MAP3K14: variants seen among roughly 807,000 people sequenced by gnomAD.
MAP3K14 encodes NF-kappa-beta-inducing kinase.
In MAP3K14, 16 loss-of-function variants were observed where a neutral mutation model predicts 99.2. The observed-to-expected ratio is 0.16, with a 90% CI of 0.11 to 0.24. The LOEUF (loss-of-function observed/expected upper bound fraction) is 0.24. Among genes scored for constraint, MAP3K14 ranks in the 10% least tolerant of loss-of-function variants. The pLI is 1.00. For missense variants in MAP3K14, 784 were observed against 1,208.7 expected (o/e 0.65, Z 5.21); for synonymous variants, 462 against 492.4 (o/e 0.94, Z 0.82).
chr17:45,284,922 G>A lies in MAP3K14; in HGVS notation c.1180C>T (p.Arg394Ter), dbSNP rs377045638. ...TGCGTGGCCCAGTGGACTTCTTCTCGGTACTCATAATCCACTGGCTTGAGT... is the reference window on the plus strand; with the variant it reads ...TGCGTGGCCCAGTGGACTTCTTCTCAGTACTCATAATCCACTGGCTTGAGT... ...EKLKPVDYEY[R>*]EEVHWATHQL... The change falls in exon 6 of 16, where the codon CGA (arginine) becomes TGA (stop). Residue 394 changes from arginine to a stop codon, truncating the protein, a stop_gained. Transcript: ENST00000344686. LOFTEE classifies it high-confidence loss of function. The A allele has an allele frequency of 1.9e-6, 3 of 1,553,634 alleles. No individual in the cohort carries two copies. The highest frequency in any genetic ancestry group is 2.6e-6 in the Non-Finnish European group (3 of 1,148,122).
chr17:45,278,027 G>A (rs901804018), intron 6 of MAP3K14, among the ~76,000 whole-genome samples: 10 of 152,184 alleles, frequency 6.6e-5, no homozygotes, highest in Admixed American at 4.6e-4. Flanking sequence ...TGGCTACTAA[G>A]TTGTTAGGAT....
chr17:45,284,669 C>T, intron 6 of MAP3K14, 143 bp downstream of exon 6: 1 of 1,082,994 alleles, frequency 9.2e-7, no homozygotes, highest in Non-Finnish European at 1.3e-6. Flanking sequence ...TCCAGCCGAC[C>T]TCAGGTGGCT....
intron 1 of MAP3K14, among the ~76,000 whole-genome samples, chr17:45,296,130 A>G (rs1360298947): frequency 6.6e-6 from 1 of 152,180 alleles, no homozygotes; most frequent in Admixed American, 6.5e-5. Context: ...AACTTCCTTA[A>G]TAAGATATTG....
At chr17:45,304,329 A>G (rs1190199354) in intron 1 of MAP3K14, among the ~76,000 whole-genome samples, 1 of 152,206 alleles carries the variant, frequency 6.6e-6, no homozygotes, top group African/African-American at 2.4e-5. Flanking sequence ...TTAAGGCTTC[A>G]TAAGATTGGA....
chr17:45,309,152 C>T (rs1462428833), intron 1 of MAP3K14, among the ~76,000 whole-genome samples: 1 of 152,228 alleles, frequency 6.6e-6, no homozygotes, highest in Non-Finnish European at 1.5e-5. Flanking sequence ...TGTCCCTACG[C>T]TTCTGAAAAT....
At chr17:45,283,393 CAG>C (rs1014493205) in intron 6 of MAP3K14, among the ~76,000 whole-genome samples, 2 of 152,234 alleles carry the variant, frequency 1.3e-5, no homozygotes, top group African/African-American at 4.8e-5. Flanking sequence ...TGTTGCCAGT[CAG>C]GGGTGGTGAG....
chr17:45,291,057 G>C, intron 1 of MAP3K14: 2 of 297,238 alleles, frequency 6.7e-6, no homozygotes, highest in Non-Finnish European at 1.3e-5. Flanking sequence ...GAGAGCTGTG[G>C]CACAAATGTC....
At chr17:45,309,368 G>C (rs1329386517) in intron 1 of MAP3K14, among the ~76,000 whole-genome samples, 1 of 152,188 alleles carries the variant, frequency 6.6e-6, no homozygotes, top group Non-Finnish European at 1.5e-5. Flanking sequence ...TGGCCTCCTC[G>C]CTCCCTCCAG....
At chr17:45,308,430 T>C (rs2044446671) in intron 1 of MAP3K14, among the ~76,000 whole-genome samples, 1 of 152,188 alleles carries the variant, frequency 6.6e-6, no homozygotes, top group African/African-American at 2.4e-5. Context: ...GCCCTCCCAA[T>C]TCTCACTTGG....
Position 45,291,521 on chromosome 17 carries a change from C to G in MAP3K14, c.-20-756G>C, listed in dbSNP as rs1229331096. On this transcript the variant is annotated intron_variant, in intron 1 of 15. Coordinates refer to ENST00000344686, the MANE Select transcript of MAP3K14 (RefSeq NM_003954.5). ...TTTATATTCAAGGCCCTAACACGAA[C>G]CTATACCTCTAGAAATAAAGAATAA... 2.0e-5 allele frequency among the ~76,000 whole-genome samples: 3 copies of G among 152,170 alleles called. No individual in the cohort carries two copies. In the East Asian group the frequency reaches 5.8e-4, roughly 29 times the overall value.
At chr17:45,296,525 A>G (rs2044347752) in intron 1 of MAP3K14, among the ~76,000 whole-genome samples, 1 of 151,724 alleles carries the variant, frequency 6.6e-6, no homozygotes, top group South Asian at 2.1e-4. Context: ...GGAAAAATAA[A>G]GAAAGAAAGA....
In MAP3K14 at chr17:45,314,379, T is replaced by G. The variant is rs140805322; in HGVS notation, c.-21+2581A>C. 1.8e-3 allele frequency among the ~76,000 whole-genome samples: 278 copies of G among 152,302 alleles called. 1 individual carries two copies. The highest frequency in any genetic ancestry group is 6.5e-3 in the African/African-American group (269 of 41,556). On this transcript the variant is annotated intron_variant, in intron 1 of 15. Coordinates refer to ENST00000344686, the MANE Select transcript of MAP3K14 (RefSeq NM_003954.5). ...CCCATTCTGTTCCCTTACTAGGGAA[T>G]CCTGGTGTGTGGAGACCAGAGGGGC...
chr17:45,292,956 C>T (rs557391521), intron 1 of MAP3K14, among the ~76,000 whole-genome samples: 1 of 152,252 alleles, frequency 6.6e-6, no homozygotes, highest in South Asian at 2.1e-4. Context: ...GGCTATGATG[C>T]CCACTCCCCA....
At chr17:45,301,684 T>C (rs1208922447) in intron 1 of MAP3K14, among the ~76,000 whole-genome samples, 3 of 152,188 alleles carry the variant, frequency 2.0e-5, no homozygotes, top group African/African-American at 7.2e-5. Flanking sequence ...GTCGGTATAT[T>C]ACAATGATAT....
chr17:45,292,287 G>A (rs547696103), intron 1 of MAP3K14, among the ~76,000 whole-genome samples: 2 of 152,314 alleles, frequency 1.3e-5, no homozygotes, highest in Admixed American at 6.5e-5. Flanking sequence ...TGAGGGGGCC[G>A]GACATGGTGG....
chr17:45,266,341 C>T, intron 14 of MAP3K14, 196 bp downstream of exon 14: 1 of 571,408 alleles, frequency 1.8e-6, no homozygotes, highest in Non-Finnish European at 3.0e-6. Flanking sequence ...ACTGCCCCAT[C>T]AGGAAAGGCT....
At chr17:45,287,414 A>G in intron 3 of MAP3K14, 50 bp from the exon 4 acceptor site, 1 of 1,530,898 alleles carries the variant, frequency 6.5e-7, no homozygotes. Context: ...AAGCAGGAAG[A>G]TGGACTGGTC....
chr17:45,290,841 G>A, intron 1 of MAP3K14, 76 bp from the exon 2 acceptor site: 1 of 1,483,844 alleles, frequency 6.7e-7, no homozygotes, highest in Non-Finnish European at 9.1e-7. Flanking sequence ...TTGGGTTGGG[G>A]GAGAAAGGCA....
intron 3 of MAP3K14, 111 bp from the exon 4 acceptor site, chr17:45,287,475 C>G: frequency 1.1e-6 from 1 of 888,292 alleles, no homozygotes; most frequent in Non-Finnish European, 1.7e-6. Flanking sequence ...TCCCAGGTTG[C>G]CATTCCTTGT....
Sources: gnomAD v4.1 joint callset for allele counts (sites outside exome capture counted in the v4.1 genomes callset) on GRCh38, gnomAD v4.1.1 for gene constraint, MANE v1.5 for transcripts, NCBI Gene and HGNC (gene_info 2026-07-23, HGNC 2026-07-21) for gene names.